The following ACO1 variants were observed in gnomAD, a reference collection of about 807,000 sequenced individuals.
ACO1 encodes the protein cytoplasmic aconitate hydratase.
In ACO1, 78 loss-of-function variants were observed where a neutral mutation model predicts 105.1. That is an observed-to-expected ratio of 0.74 (90% confidence interval 0.62 to 0.90). The LOEUF is 0.90. ACO1 is among the 40% of genes least tolerant of loss of function. ACO1 has a pLI of 0.00. For synonymous variants in ACO1, 364 were observed against 397.4 expected, an observed-to-expected ratio of 0.92 and a Z score of 1.00; for missense variants, 965 against 1,111.1, an observed-to-expected ratio of 0.87 and a Z score of 1.87.
chr9:32,395,990 T>G (rs1436186421), intron 1 of ACO1, among the ~76,000 whole-genome samples: 1 of 152,246 alleles, frequency 6.6e-6, no homozygotes, highest in Non-Finnish European at 1.5e-5. Context: ...AGGCAGGGGC[T>G]GCCTGGTCAG....
chr9:32,387,071 C>A (rs748351314), intron 1 of ACO1, among the ~76,000 whole-genome samples: 1 of 152,188 alleles, frequency 6.6e-6, no homozygotes, highest in Non-Finnish European at 1.5e-5. Context: ...TAAAAACCAA[C>A]GTGTATCACC....
intron 8 of ACO1, among the ~76,000 whole-genome samples, chr9:32,421,891 C>G (rs1323738590): frequency 6.6e-6 from 1 of 152,224 alleles, no homozygotes. Flanking sequence ...TCATGAGAAT[C>G]TTACAGACTC....
intron 18 of ACO1, 69 bp from the exon 19 acceptor site, chr9:32,440,396 G>A (rs1587553021): frequency 2.5e-6 from 4 of 1,600,892 alleles, no homozygotes; most frequent in Middle Eastern, 1.7e-4. Flanking sequence ...GCCCTCACCA[G>A]GGCTCAGGGG....
intron 19 of ACO1, chr9:32,445,627 G>T: frequency 3.7e-6 from 1 of 267,420 alleles, no homozygotes; most frequent in Non-Finnish European, 7.7e-6. Context: ...GTTCTGCTTT[G>T]ATCTTAGTTA....
intron 1 of ACO1, among the ~76,000 whole-genome samples, chr9:32,405,270 T>A (rs1159797396): frequency 6.6e-6 from 1 of 152,190 alleles, no homozygotes; most frequent in East Asian, 1.9e-4. Flanking sequence ...TCCCCAAAAC[T>A]ACCTCGTACC....
intron 19 of ACO1, among the ~76,000 whole-genome samples, chr9:32,443,292 G>A (rs1486237730): frequency 6.6e-6 from 1 of 151,792 alleles, no homozygotes; most frequent in Non-Finnish European, 1.5e-5. Flanking sequence ...ACGCTTCATT[G>A]TGACCTTCAG....
chr9:32,405,588 G>A lies in ACO1; in HGVS notation c.82G>A (p.Glu28Lys). 6.2e-7 allele frequency: 1 copy of A among 1,609,926 alleles called. No homozygotes were observed. Among genetic ancestry groups the A allele is most frequent in the Non-Finnish European group, 8.5e-7 (1 of 1,176,550 alleles). ...GAAATTCTTCAATTTGAATAAATTGGAGGATTCAAGATATGGTAGGTACAT... is the reference window on the plus strand; with the variant it reads ...GAAATTCTTCAATTTGAATAAATTGAAGGATTCAAGATATGGTAGGTACAT... ...GKKFFNLNKL[E>K]DSRYGRLPFS... Residue 28 changes from glutamate to lysine, a missense_variant, in exon 2 of 21, where the codon GAG becomes AAG. Coordinates refer to ENST00000309951, the MANE Select transcript of ACO1 (RefSeq NM_002197.3).
At chr9:32,421,621 C>T (rs556791047) in intron 8 of ACO1, among the ~76,000 whole-genome samples, 1 of 152,264 alleles carries the variant, frequency 6.6e-6, no homozygotes, top group Non-Finnish European at 1.5e-5. Flanking sequence ...CCAAGGCAGG[C>T]AGATCTGACC....
At chr9:32,432,506 C>T (rs1468562112) in intron 15 of ACO1, among the ~76,000 whole-genome samples, 3 of 152,048 alleles carry the variant, frequency 2.0e-5, no homozygotes, top group Non-Finnish European at 4.4e-5. Context: ...ACAAGGTGCT[C>T]CTTGGGAGAT....
intron 4 of ACO1, among the ~76,000 whole-genome samples, chr9:32,411,106 T>C (rs1284419728): frequency 6.6e-6 from 1 of 151,854 alleles, no homozygotes; most frequent in Non-Finnish European, 1.5e-5. Context: ...GTGCCATTGA[T>C]CAAAGCAAAT....
chr9:32,419,234 T>A, intron 7 of ACO1, 57 bp downstream of exon 7: 5 of 1,476,426 alleles, frequency 3.4e-6, no homozygotes. Flanking sequence ...AGCTTTCCAA[T>A]GGAGGGAATA....
intron 17 of ACO1, chr9:32,435,970 C>A (rs1563945498): frequency 1.7e-6 from 1 of 574,664 alleles, no homozygotes; most frequent in Admixed American, 2.2e-5. Flanking sequence ...ATAAAACATT[C>A]TTTTTTAGAC....
At chr9:32,434,729 A>T in intron 17 of ACO1, 28 bp downstream of exon 17, 1 of 1,611,976 alleles carries the variant, frequency 6.2e-7, no homozygotes, top group East Asian at 2.2e-5. Flanking sequence ...AGGAAGGACT[A>T]AAGGCAAAAA....
At position 32,400,978 on chromosome 9, in the gene ACO1, T is replaced by C. The variant is rs562321252; in HGVS notation, c.-22-4507T>C. Among the ~76,000 whole-genome samples, 3 of 151,586 alleles carry C rather than the reference T, an allele frequency of 2.0e-5. No homozygotes were observed. In the South Asian group the frequency reaches 6.3e-4, roughly 32 times the overall value. On this transcript the variant is annotated intron_variant, in intron 1 of 20. Transcript: ENST00000309951. ...TTTTTTTTTCACTTAAATCAGATCCTAGTATATACATATATATATTATTTT... is the reference window on the plus strand; with the variant it reads ...TTTTTTTTTCACTTAAATCAGATCCCAGTATATACATATATATATTATTTT...
chr9:32,406,485 T>G (rs1432707601), intron 2 of ACO1, among the ~76,000 whole-genome samples: 1 of 152,096 alleles, frequency 6.6e-6, no homozygotes, highest in Non-Finnish European at 1.5e-5. Flanking sequence ...TAGCTGGGTG[T>G]GGTGATGCTT....
At chr9:32,402,183 T>C (rs1372210969) in intron 1 of ACO1, among the ~76,000 whole-genome samples, 5 of 152,186 alleles carry the variant, frequency 3.3e-5, no homozygotes, top group African/African-American at 1.2e-4. Context: ...TTCCCATTCC[T>C]TCCTTCTTTT....
At position 32,433,232 on chromosome 9, in the gene ACO1, ATGT is replaced by A. The variant is rs532260624; in HGVS notation, c.1852-488_1852-486del. On this transcript the variant is annotated intron_variant, in intron 15 of 20. Coordinates refer to ENST00000309951, the MANE Select transcript of ACO1 (RefSeq NM_002197.3). ...AAGCTGCCTATCACGGTGCATATGT[ATGT>A]TGTTGTTTGTTTTTCAGAGACCAGG... Among the ~76,000 whole-genome samples the A allele has an allele frequency of 7.2e-5, 11 of 152,026 alleles. No homozygotes were observed. In the South Asian group the frequency reaches 1.7e-3, roughly 23 times the overall value.
In ACO1 at chr9:32,452,867, G is replaced by T. The variant is rs1033593834; in HGVS notation, c.*2756G>T. 6.6e-6 allele frequency: 1 copy of T among 151,924 alleles called. No individual in the cohort carries two copies. Among genetic ancestry groups the T allele is most frequent in the African/African-American group, 2.4e-5 (1 of 41,288 alleles). 9.4% of individuals were successfully genotyped at this position (151,924 alleles called of 1,614,324 possible). On this transcript the variant is annotated 3_prime_UTR_variant, in exon 21 of 21. Coordinates refer to ENST00000309951, the MANE Select transcript of ACO1 (RefSeq NM_002197.3). ...TGGTCCCAGCTGTTCAGGAGGCTGA[G>T]GTGGGAGGATCACTTGAGCCTGGGA... is the stretch of plus-strand genomic sequence containing the variant.
chr9:32,404,381 A>G (rs1821560783), intron 1 of ACO1, among the ~76,000 whole-genome samples: 1 of 151,984 alleles, frequency 6.6e-6, no homozygotes, highest in African/African-American at 2.4e-5. Context: ...CCGCCTGGTT[A>G]CCTGCCACCT....
Sources: gnomAD v4.1 joint callset for allele counts (sites outside exome capture counted in the v4.1 genomes callset) on GRCh38, gnomAD v4.1.1 for gene constraint, MANE v1.5 for transcripts, NCBI Gene and HGNC (gene_info 2026-07-23, HGNC 2026-07-21) for gene names.